Variants in SNX13 observed in about 807,000 individuals in gnomAD.
SNX13 encodes the protein sorting nexin-13.
In SNX13, 45 loss-of-function variants were observed where a neutral mutation model predicts 133.6. That is an observed-to-expected ratio of 0.34 (90% CI 0.27 to 0.43). The LOEUF (loss-of-function observed/expected upper bound fraction) is 0.43. Among genes scored for constraint, SNX13 ranks in the 20% least tolerant of loss-of-function variants. The probability of loss-of-function intolerance (pLI) is 1.00; values close to 1 mark genes in which losing one functional copy is unlikely to be tolerated. For synonymous variants in SNX13, 414 were observed against 373.9 expected (o/e 1.11, Z -1.24); for missense variants, 1,032 against 1,145.1 (o/e 0.90, Z 1.43).
At chr7:17,883,816 G>C (rs1457744522) in intron 5 of SNX13, among the ~76,000 whole-genome samples, 2 of 152,010 alleles carry the variant, frequency 1.3e-5, no homozygotes, top group African/African-American at 4.8e-5. Flanking sequence ...GAGAACATAC[G>C]GTGTTTGGTT....
At chr7:17,841,553 T>TACACACACACACACACACACACACACAC (rs71553704) in intron 12 of SNX13, among the ~76,000 whole-genome samples, 20 of 143,076 alleles carry the variant, frequency 1.4e-4, no homozygotes, top group Non-Finnish European at 2.3e-4. Flanking sequence ...CAGTTATTCA[T>TACACACACACACACACACACACACACAC]ACACACACAC....
intron 1 of SNX13, among the ~76,000 whole-genome samples, chr7:17,916,774 A>T (rs529364711): frequency 1.3e-5 from 2 of 152,258 alleles, no homozygotes; most frequent in African/African-American, 4.8e-5. Context: ...ACTATTCTCA[A>T]AAAAACTAGG....
intron 20 of SNX13, among the ~76,000 whole-genome samples, chr7:17,805,265 G>A (rs571986842): frequency 7.1e-4 from 103 of 146,084 alleles, no homozygotes; most frequent in Admixed American, 1.6e-3. Flanking sequence ...GCGCGCGCGC[G>A]CATGCATGCA....
intron 1 of SNX13, among the ~76,000 whole-genome samples, chr7:17,900,791 G>C (rs1739663663): frequency 1.3e-5 from 2 of 152,114 alleles, no homozygotes; most frequent in Admixed American, 6.5e-5. Flanking sequence ...GAGCCCACTT[G>C]GTGCTCTATT....
Position 17,801,652 on chromosome 7 carries a change from G to C in SNX13, c.2234C>G (p.Pro745Arg), listed in dbSNP as rs1784658599. 1 of 1,606,198 alleles carries C rather than the reference G, an allele frequency of 6.2e-7. No individual in the cohort carries two copies. Among genetic ancestry groups the C allele is most frequent in the Non-Finnish European group, 8.5e-7 (1 of 1,176,480 alleles). The change falls in exon 22 of 26, where the codon CCT becomes CGT. Residue 745 changes from proline (P) to arginine (R), a missense_variant. Physicochemically the swap from Pro to Arg is moderately radical, Grantham distance 103. Coordinates refer to ENST00000428135, the MANE Select transcript of SNX13 (RefSeq NM_015132.5). ...DIKQSFFKVP[P>R]LIPKTDSDPE... is the part of the protein sequence containing the mutation. The stretch of plus-strand genomic sequence containing the variant: ...GTCTGAATCAGTCTTAGGAATTAAA[G>C]GAGGCACCTAAAAATAAAACCAAAT...
At chr7:17,843,846 ACACT>A (rs747822119) in intron 12 of SNX13, among the ~76,000 whole-genome samples, 8 of 152,096 alleles carry the variant, frequency 5.3e-5, no homozygotes, top group African/African-American at 1.7e-4. Flanking sequence ...ACATGAAAAC[ACACT>A]CACACAACCA....
At chr7:17,861,583 T>G (rs752473886) in intron 9 of SNX13, among the ~76,000 whole-genome samples, 1 of 152,112 alleles carries the variant, frequency 6.6e-6, no homozygotes, top group Non-Finnish European at 1.5e-5. Context: ...AGGATGTGCA[T>G]TGAGAGACAA....
chr7:17,892,621 A>G (rs918948788), intron 3 of SNX13, among the ~76,000 whole-genome samples: 3 of 152,062 alleles, frequency 2.0e-5, no homozygotes, highest in East Asian at 1.9e-4. Flanking sequence ...ATAGAGTGAA[A>G]TTCTTTTATT....
At chr7:17,890,170 A>G (rs1201235651) in intron 5 of SNX13, 193 bp downstream of exon 5, 3 of 441,266 alleles carry the variant, frequency 6.8e-6, no homozygotes, top group African/African-American at 6.1e-5. Flanking sequence ...AACATTCTGT[A>G]AAAACCTAAA....
chr7:17,934,561 A>T (rs536650316), intron 1 of SNX13, among the ~76,000 whole-genome samples: 3 of 152,226 alleles, frequency 2.0e-5, no homozygotes, highest in African/African-American at 7.2e-5. Flanking sequence ...CAGAGATAAC[A>T]AAAACAGAAA....
chr7:17,803,364 A>C (rs187008683), intron 21 of SNX13, 55 bp downstream of exon 21: 21 of 1,473,926 alleles, frequency 1.4e-5, no homozygotes, highest in Non-Finnish European at 1.8e-5. Context: ...AATTCAATAC[A>C]TCTTATTGAC....
chr7:17,845,864 T>C (rs1790461702), intron 11 of SNX13, among the ~76,000 whole-genome samples, 170 bp from the exon 12 acceptor site: 1 of 152,218 alleles, frequency 6.6e-6, no homozygotes, highest in Admixed American at 6.5e-5. Context: ...TTTAAATTCC[T>C]AGTTAAGAGT....
chr7:17,831,208 T>A, intron 15 of SNX13: 1 of 984,096 alleles, frequency 1.0e-6, no homozygotes, highest in Non-Finnish European at 1.2e-6. Context: ...CAGTATAAAA[T>A]CAATCTTGGT....
In SNX13 at chr7:17,794,030, T is replaced by G; in HGVS notation, c.*15A>C. 1 of 1,609,222 alleles carries G rather than the reference T, an allele frequency of 6.2e-7. No homozygotes were observed. The highest frequency in any genetic ancestry group is 8.5e-7 in the Non-Finnish European group (1 of 1,177,110). On this transcript the variant is annotated 3_prime_UTR_variant, in exon 26 of 26. Transcript: ENST00000428135. ...GTCCTGGACAAAATGAACACCAGCT[T>G]CATAGAGTGGAGTGTCACCTTTTCT...
rs757131717 is a variant in SNX13, at chr7:17,794,099, C to T, written c.2820G>A (p.Gln940=). Residue 940 remains glutamine, a synonymous_variant, in exon 26 of 26, where the codon CAG becomes CAA. Coordinates refer to ENST00000428135, the MANE Select transcript of SNX13 (RefSeq NM_015132.5). ...NKLHSRSKQM[Q]KYKQKLQTTQ... The stretch of plus-strand genomic sequence containing the variant: ...TAGTTTGAAGTTTCTGTTTATATTT[C>T]TGCATCTGCTTTGACCGTGAATGCA... 6.2e-7 allele frequency: 1 copy of T among 1,611,598 alleles called. No homozygotes were observed. Among genetic ancestry groups the T allele is most frequent in the Non-Finnish European group, 8.5e-7 (1 of 1,178,316 alleles).
intron 1 of SNX13, among the ~76,000 whole-genome samples, chr7:17,937,267 C>T (rs907757174): frequency 6.6e-6 from 1 of 151,924 alleles, no homozygotes. Flanking sequence ...GTTTGCTCAA[C>T]TGAGTGATAT....
At chr7:17,917,979 G>C (rs962819552) in intron 1 of SNX13, among the ~76,000 whole-genome samples, 2 of 152,002 alleles carry the variant, frequency 1.3e-5, no homozygotes, top group African/African-American at 2.4e-5. Context: ...GACCAGAATA[G>C]AGAACCCAGA....
chr7:17,939,976 G>T (rs1802616800), intron 1 of SNX13, among the ~76,000 whole-genome samples: 1 of 152,196 alleles, frequency 6.6e-6, no homozygotes, highest in Non-Finnish European at 1.5e-5. Context: ...AGAGTAGCGT[G>T]TAAGGGGACA....
At chr7:17,917,839 A>T (rs187540598) in intron 1 of SNX13, among the ~76,000 whole-genome samples, 91 of 152,256 alleles carry the variant, frequency 6.0e-4, no homozygotes, top group Non-Finnish European at 6.3e-4. Flanking sequence ...GAATAGCCAA[A>T]GCAATCCCAA....
Sources: allele counts gnomAD v4.1 joint callset (sites outside exome capture counted in the v4.1 genomes callset), GRCh38; gene constraint gnomAD v4.1.1; transcripts MANE v1.5; gene names NCBI Gene and HGNC (gene_info 2026-07-23, HGNC 2026-07-21).